Variants in SRGAP3 observed in about 807,000 individuals in gnomAD.
SRGAP3 encodes SLIT-ROBO Rho GTPase activating protein 3, also known as SLIT-ROBO Rho GTPase-activating protein 3.
In SRGAP3, 39 loss-of-function variants were observed where a neutral mutation model predicts 121.1. That is an observed-to-expected ratio of 0.32 (90% CI 0.25 to 0.42). The LOEUF (loss-of-function observed/expected upper bound fraction) is 0.42, where lower values mean the gene tolerates loss of function less well. SRGAP3 is among the 10% of genes least tolerant of loss of function. The pLI, the probability that SRGAP3 is intolerant of heterozygous loss-of-function variation, is 1.00. For missense variants in SRGAP3, 1,213 were observed against 1,470.6 expected (o/e 0.82, Z 2.86); for synonymous variants, 601 against 570.0 (o/e 1.05, Z -0.77).
chr3:9,008,546 G>T (rs891324773), intron 18 of SRGAP3, among the ~76,000 whole-genome samples: 1 of 152,124 alleles, frequency 6.6e-6, no homozygotes, highest in African/African-American at 2.4e-5. Context: ...CAGGGTGAGG[G>T]CTGTTAAAAG....
intron 1 of SRGAP3, among the ~76,000 whole-genome samples, chr3:9,242,365 C>T (rs1207600718): frequency 2.0e-5 from 3 of 152,192 alleles, no homozygotes; most frequent in Non-Finnish European, 2.9e-5. Flanking sequence ...AGCCGCACAG[C>T]GGCTCACGCC....
intron 18 of SRGAP3, among the ~76,000 whole-genome samples, chr3:9,002,870 A>G (rs971073523): frequency 1.1e-4 from 17 of 152,168 alleles, no homozygotes; most frequent in African/African-American, 4.1e-4. Flanking sequence ...AGAAAGAAAC[A>G]AACTATTGAA....
chr3:9,019,101 C>T (rs1042612155), intron 14 of SRGAP3, among the ~76,000 whole-genome samples: 1 of 152,130 alleles, frequency 6.6e-6, no homozygotes, highest in African/African-American at 2.4e-5. Flanking sequence ...GTAATTTATA[C>T]AATCAATCTC....
intron 1 of SRGAP3, among the ~76,000 whole-genome samples, chr3:9,340,819 G>A (rs541260009): frequency 6.6e-6 from 1 of 152,308 alleles, no homozygotes; most frequent in East Asian, 1.9e-4. Context: ...CTAAGAAAAG[G>A]CTAGACTATT....
chr3:8,996,845 C>G (rs1245674618), intron 18 of SRGAP3, among the ~76,000 whole-genome samples: 1 of 152,176 alleles, frequency 6.6e-6, no homozygotes, highest in Non-Finnish European at 1.5e-5. Context: ...ACCCAGATTC[C>G]CCAAACTAAG....
chr3:9,148,538 G>A (rs1368063019), intron 1 of SRGAP3, among the ~76,000 whole-genome samples: 1 of 152,312 alleles, frequency 6.6e-6, no homozygotes, highest in South Asian at 2.1e-4. Flanking sequence ...TTGAAACAGG[G>A]TACCCCCATT....
chr3:9,206,227 G>A (rs750658148), intron 1 of SRGAP3, among the ~76,000 whole-genome samples: 1 of 152,096 alleles, frequency 6.6e-6, no homozygotes, highest in East Asian at 1.9e-4. Flanking sequence ...TAACCTCTAC[G>A]TGCATTATTG....
At chr3:9,231,404 G>A (rs1319595013) in intron 1 of SRGAP3, among the ~76,000 whole-genome samples, 1 of 152,118 alleles carries the variant, frequency 6.6e-6, no homozygotes, top group Non-Finnish European at 1.5e-5. Context: ...TTAGAAAACT[G>A]GGCAATTAAA....
chr3:9,058,533 C>T (rs1300568003), intron 6 of SRGAP3, 61 bp from the exon 7 acceptor site: 1 of 1,516,476 alleles, frequency 6.6e-7, no homozygotes, highest in Non-Finnish European at 9.1e-7. Flanking sequence ...GGGGCGGTCA[C>T]TGGCCACCAC....
intron 1 of SRGAP3, among the ~76,000 whole-genome samples, chr3:9,330,833 T>C (rs747404550): frequency 6.6e-6 from 1 of 152,136 alleles, no homozygotes. Flanking sequence ...TGAATGGAGT[T>C]TGAAGATTCA....
chr3:8,997,674 T>C (rs1285321706), intron 18 of SRGAP3, among the ~76,000 whole-genome samples: 1 of 152,198 alleles, frequency 6.6e-6, no homozygotes, highest in Non-Finnish European at 1.5e-5. Flanking sequence ...TATGACATTT[T>C]TTAAACACAA....
At chr3:9,225,619 G>A (rs1376891454) in intron 1 of SRGAP3, among the ~76,000 whole-genome samples, 1 of 151,996 alleles carries the variant, frequency 6.6e-6, no homozygotes, top group East Asian at 1.9e-4. Context: ...CCCATCCCCT[G>A]GCAAACTCCC....
intron 3 of SRGAP3, among the ~76,000 whole-genome samples, chr3:9,283,287 C>T (rs1212319340): frequency 6.6e-6 from 1 of 152,162 alleles, no homozygotes; most frequent in African/African-American, 2.4e-5. Flanking sequence ...GAAACCATAT[C>T]AGTGAACTTT....
intron 12 of SRGAP3, among the ~76,000 whole-genome samples, chr3:9,031,017 G>A (rs1036052626): frequency 1.3e-5 from 2 of 152,076 alleles, no homozygotes; most frequent in African/African-American, 2.4e-5. Flanking sequence ...TGGCATGACT[G>A]TAGATCACTG....
chr3:9,132,849 GTT>G lies in SRGAP3; in HGVS notation c.68-7934_68-7933del, dbSNP rs35698088. 6.0e-4 allele frequency among the ~76,000 whole-genome samples: 90 copies of G among 151,228 alleles called. No individual in the cohort carries two copies. The Middle Eastern group carries it at 0.01, about 17-fold the overall frequency. ...TACATTTTTAAATAGGAAATATAGG[GTT>G]TTTTTTAATATTACATACACAACTG... On this transcript the variant is annotated intron_variant, in intron 1 of 21. Coordinates refer to ENST00000383836, the MANE Select transcript of SRGAP3 (RefSeq NM_014850.4).
At chr3:9,148,967 G>A (rs937015881) in intron 1 of SRGAP3, among the ~76,000 whole-genome samples, 1 of 152,118 alleles carries the variant, frequency 6.6e-6, no homozygotes, top group Non-Finnish European at 1.5e-5. Flanking sequence ...TGTAATACCA[G>A]CACTTTGGGA....
In SRGAP3 at chr3:9,222,371, C is replaced by T. The variant is rs573715692; in HGVS notation, c.67+26514G>A. Among the ~76,000 whole-genome samples the T allele has an allele frequency of 4.6e-5, 7 of 152,328 alleles. No homozygotes were observed. The South Asian group carries it at 1.4e-3, about 32-fold the overall frequency. ...TAGAACAAACCAGGGCTCCCTGGCC[C>T]TCCTTCCTGGTCCCAGGCCAGCCTG... On this transcript the variant is annotated intron_variant, in intron 1 of 21. Coordinates refer to ENST00000383836, the MANE Select transcript of SRGAP3 (RefSeq NM_014850.4).
Position 9,056,232 on chromosome 3 carries a change from C to T in SRGAP3, c.1125+1G>A. 6.2e-7 allele frequency: 1 copy of T among 1,613,974 alleles called. No individual in the cohort carries two copies. Among genetic ancestry groups the T allele is most frequent in the Non-Finnish European group, 8.5e-7 (1 of 1,179,914 alleles). On this transcript the variant is annotated splice_donor_variant, in intron 8 of 21. Transcript: ENST00000383836. LOFTEE classifies it high-confidence loss of function. ...CTTATAGGGCAGAGGGGCTCACTCA[C>T]CTCCTCATTCTCTATCTTGAGGGTG...
chr3:9,035,720 T>A, intron 11 of SRGAP3: 1 of 166,858 alleles, frequency 6.0e-6, no homozygotes, highest in Non-Finnish European at 1.3e-5. Context: ...TTAATCAAGA[T>A]GAAAATTAAC....
Sources: gnomAD v4.1 joint callset for allele counts (sites outside exome capture counted in the v4.1 genomes callset) on GRCh38, gnomAD v4.1.1 for gene constraint, MANE v1.5 for transcripts, NCBI Gene and HGNC (gene_info 2026-07-23, HGNC 2026-07-21) for gene names.